SUPT16H: variants seen among roughly 807,000 people sequenced by gnomAD.
The protein encoded by SUPT16H is FACT complex subunit SPT16.
A neutral mutation model predicts 136.2 loss-of-function variants in SUPT16H; 24 were observed. That is an observed-to-expected ratio of 0.18 (90% CI 0.13 to 0.25). The LOEUF is 0.25. SUPT16H is among the 10% of genes least tolerant of loss of function. The pLI, the probability that SUPT16H is intolerant of heterozygous loss-of-function variation, is 1.00. For missense variants in SUPT16H, 623 were observed against 1,270.2 expected, an observed-to-expected ratio of 0.49 and a Z score of 7.74; for synonymous variants, 415 against 428.2, an observed-to-expected ratio of 0.97 and a Z score of 0.38.
At chr14:21,363,868 G>A (rs1886610158) in intron 10 of SUPT16H, among the ~76,000 whole-genome samples, 1 of 152,028 alleles carries the variant, frequency 6.6e-6, no homozygotes, top group Non-Finnish European at 1.5e-5. Context: ...TAGTAGGGCC[G>A]GGGATTCACC....
chr14:21,354,386 G>T, intron 23 of SUPT16H, 25 bp downstream of exon 23: 1 of 1,612,168 alleles, frequency 6.2e-7, no homozygotes, highest in Non-Finnish European at 8.5e-7. Context: ...CTGTGTACCA[G>T]AAAAGAAACC....
chr14:21,361,047 G>T lies in SUPT16H; in HGVS notation c.1929+31C>A, dbSNP rs374324256. ...CCAAAAAATACATGTCCTTCTTTGT[G>T]TAAGAATGTTTTGCCTGTGTTCAGG... On this transcript the variant is annotated intron_variant, in intron 16 of 25. Transcript: ENST00000216297. 39 of 1,611,452 alleles carry T rather than the reference G, an allele frequency of 2.4e-5. No homozygotes were observed. In the African/African-American group the frequency reaches 4.7e-4, roughly 19 times the overall value.
chr14:21,357,168 A>C, intron 22 of SUPT16H, 29 bp downstream of exon 22: 2 of 1,529,964 alleles, frequency 1.3e-6, no homozygotes, highest in Non-Finnish European at 1.8e-6. Flanking sequence ...TCATGGGCTA[A>C]ATGGGAGACT....
chr14:21,372,242 G>GC, intron 2 of SUPT16H, 198 bp from the exon 3 acceptor site: 1 of 546,542 alleles, frequency 1.8e-6, no homozygotes, highest in East Asian at 3.1e-5. Flanking sequence ...CAGGACAATG[G>GC]GGTTCAATGT....
rs372008596 is a variant in SUPT16H at position 21,368,263 on chromosome 14, C to A, written c.955+6G>T. On this transcript the variant is annotated splice_donor_region_variant and intron_variant, in intron 7 of 25. Coordinates refer to ENST00000216297, the MANE Select transcript of SUPT16H (RefSeq NM_007192.4). ...CTTTCAAACCTCCTTTTCTAAGGCA[C>A]CTCACCATGTCTTAATTCCTTCAGC... 1.2e-6 allele frequency: 2 copies of A among 1,605,920 alleles called. No individual in the cohort carries two copies. The highest frequency in any genetic ancestry group is 1.7e-5 in the Admixed American group (1 of 58,572).
chr14:21,358,526 C>A (rs1429468303), intron 19 of SUPT16H, 99 bp from the exon 20 acceptor site: 2 of 832,766 alleles, frequency 2.4e-6, no homozygotes, highest in Non-Finnish European at 3.8e-6. Flanking sequence ...ATAAAAATTC[C>A]AACTTTTAAG....
intron 8 of SUPT16H, among the ~76,000 whole-genome samples, chr14:21,365,563 A>T (rs1171294983): frequency 6.6e-6 from 1 of 152,196 alleles, no homozygotes; most frequent in Non-Finnish European, 1.5e-5. Context: ...ATATAGGTAT[A>T]TATTTCCATG....
intron 3 of SUPT16H, 41 bp downstream of exon 3, chr14:21,371,833 G>A (rs1886791493): frequency 6.2e-7 from 1 of 1,605,916 alleles, no homozygotes; most frequent in Non-Finnish European, 8.5e-7. Context: ...CCCTTTTGAA[G>A]ATTCTTCCAC....
intron 19 of SUPT16H, among the ~76,000 whole-genome samples, chr14:21,359,276 G>A (rs1886500616): frequency 1.3e-5 from 2 of 151,606 alleles, no homozygotes; most frequent in African/African-American, 4.9e-5. Context: ...TGTATTTTTA[G>A]TACAGACAGG....
Position 21,357,184 on chromosome 14 carries a change from C to T in SUPT16H, c.2660+13G>A, listed in dbSNP as rs1282484927. On this transcript the variant is annotated intron_variant, in intron 22 of 25. Transcript: ENST00000216297. ...CATGGGCTAAATGGGAGACTGATGG[C>T]AGATTTACTTACTTCAACCATTCCT... 2.6e-6 allele frequency: 4 copies of T among 1,553,136 alleles called. No individual in the cohort carries two copies. The African/African-American group carries it at 4.1e-5, about 16-fold the overall frequency.
chr14:21,369,073 G>C, intron 6 of SUPT16H, 131 bp downstream of exon 6: 1 of 988,140 alleles, frequency 1.0e-6, no homozygotes, highest in Non-Finnish European at 1.4e-6. Flanking sequence ...CCAAGATAAT[G>C]ACTTGGTAAC....
intron 10 of SUPT16H, 66 bp downstream of exon 10, chr14:21,364,761 C>G (rs1483407607): frequency 7.1e-7 from 1 of 1,410,760 alleles, no homozygotes; most frequent in East Asian, 2.3e-5. Flanking sequence ...AAAAAAACCA[C>G]AGGGTCCACA....
intron 23 of SUPT16H, 23 bp from the exon 24 acceptor site, chr14:21,353,855 TG>T (rs767842593): frequency 1.1e-5 from 17 of 1,594,204 alleles, no homozygotes; most frequent in Middle Eastern, 3.4e-4. Flanking sequence ...AGCATAATAC[TG>T]ATTTTTTTTT....
chr14:21,363,971 GCC>G, intron 10 of SUPT16H, among the ~76,000 whole-genome samples: 1 of 152,194 alleles, frequency 6.6e-6, no homozygotes, highest in African/African-American at 2.4e-5. Flanking sequence ...GAGCCACTGC[GCC>G]CAGCCAAGAG....
intron 1 of SUPT16H, among the ~76,000 whole-genome samples, chr14:21,374,737 T>C (rs1480280423): frequency 6.6e-6 from 1 of 152,234 alleles, no homozygotes; most frequent in African/African-American, 2.4e-5. Context: ...TGCAGGACAC[T>C]TGGGTTTTCA....
chr14:21,362,000 A>G (rs1251207623), intron 15 of SUPT16H, among the ~76,000 whole-genome samples, 197 bp downstream of exon 15: 1 of 152,222 alleles, frequency 6.6e-6, no homozygotes, highest in Non-Finnish European at 1.5e-5. Context: ...GTAAATATAT[A>G]GTATCTTCAA....
chr14:21,373,283 G>C, intron 2 of SUPT16H, 55 bp downstream of exon 2: 1 of 1,328,440 alleles, frequency 7.5e-7, no homozygotes, highest in Non-Finnish European at 1.1e-6. Flanking sequence ...ATACTGAACA[G>C]TGCAGTAGAT....
intron 8 of SUPT16H, 121 bp from the exon 9 acceptor site, chr14:21,365,264 T>C: frequency 1.1e-6 from 1 of 878,320 alleles, no homozygotes; most frequent in East Asian, 2.6e-5. Context: ...GATTTACCCC[T>C]GCTGACCGCT....
chr14:21,356,201 T>G (rs1483765228), intron 22 of SUPT16H, among the ~76,000 whole-genome samples: 1 of 152,114 alleles, frequency 6.6e-6, no homozygotes, highest in African/African-American at 2.4e-5. Flanking sequence ...TCCAGAGATC[T>G]GCAGAGGGGT....
Sources: allele counts gnomAD v4.1 joint callset (sites outside exome capture counted in the v4.1 genomes callset), GRCh38; gene constraint gnomAD v4.1.1; transcripts MANE v1.5; gene names NCBI Gene and HGNC (gene_info 2026-07-23, HGNC 2026-07-21).